The following MYH10 variants were observed in gnomAD, a reference collection of about 807,000 sequenced individuals.
MYH10 encodes the protein myosin heavy chain 10.
MYH10 carries 55 observed loss-of-function variants against 257.8 expected under a neutral mutation model. The ratio of observed to expected loss-of-function variants is 0.21; its 90% CI spans 0.17 to 0.27. The LOEUF is 0.27. MYH10 is among the 10% of genes least tolerant of loss of function. The pLI is 1.00. For synonymous variants in MYH10, 854 were observed against 921.7 expected (o/e 0.93, Z 1.33); for missense variants, 1,631 against 2,500.6 (o/e 0.65, Z 7.42).
chr17:8,601,574 T>A (rs1052668008), intron 3 of MYH10, among the ~76,000 whole-genome samples: 1 of 152,210 alleles, frequency 6.6e-6, no homozygotes, highest in African/African-American at 2.4e-5. Flanking sequence ...TCCTACTCCT[T>A]CTCTCATAAG....
At chr17:8,547,552 A>AT (rs2082483390) in intron 11 of MYH10, among the ~76,000 whole-genome samples, 1 of 151,730 alleles carries the variant, frequency 6.6e-6, no homozygotes, top group African/African-American at 2.4e-5. Context: ...ATAAAAAACG[A>AT]TTATTTCAAG....
chr17:8,553,707 A>G (rs1479175878), intron 8 of MYH10, among the ~76,000 whole-genome samples: 1 of 152,230 alleles, frequency 6.6e-6, no homozygotes, highest in African/African-American at 2.4e-5. Context: ...AATGTCCTAT[A>G]TCACACAAAC....
chr17:8,501,422 G>C (rs574292786), intron 28 of MYH10, among the ~76,000 whole-genome samples: 1 of 152,310 alleles, frequency 6.6e-6, no homozygotes, highest in East Asian at 1.9e-4. Flanking sequence ...TCAGGAATTG[G>C]TTAACACAAG....
chr17:8,508,911 C>G (rs2081166994), intron 25 of MYH10, among the ~76,000 whole-genome samples: 1 of 152,176 alleles, frequency 6.6e-6, no homozygotes, highest in East Asian at 1.9e-4. Context: ...TCATCGAGAG[C>G]TGTCATAACA....
chr17:8,545,370 G>A lies in MYH10; in HGVS notation c.1431+78C>T. Reference sequence around the variant, plus strand: ...TATCCCTGGTGCCTCGTATGTACTGGGCACACAGTAAGCCTTCATATTTGT... The same window carrying A: ...TATCCCTGGTGCCTCGTATGTACTGAGCACACAGTAAGCCTTCATATTTGT... On this transcript the variant is annotated intron_variant, in intron 13 of 42. Transcript: ENST00000360416. This position sits in a 1 kb window ranked among gnomAD's most constrained non-coding sequence, Gnocchi z 4.7. The A allele has an allele frequency of 6.6e-7, 1 of 1,518,584 alleles. No homozygotes were observed. Among genetic ancestry groups the A allele is most frequent in the East Asian group, 2.3e-5 (1 of 44,066 alleles). The allele number at this position is 1,518,584 out of a possible 1,614,324, so 94.1% of individuals were successfully genotyped here.
chr17:8,493,126 G>A (rs926952343), intron 32 of MYH10, 102 bp from the exon 33 acceptor site: 47 of 1,312,410 alleles, frequency 3.6e-5, no homozygotes, highest in South Asian at 5.7e-5. Flanking sequence ...TTGGGAGGCC[G>A]AGGCGGCAGG....
chr17:8,502,281 C>T (rs529061486), intron 28 of MYH10, among the ~76,000 whole-genome samples: 4 of 152,208 alleles, frequency 2.6e-5, no homozygotes, highest in African/African-American at 9.6e-5. Context: ...GCTCCATGGT[C>T]GCATGTAGCC....
At chr17:8,489,284 C>A (rs1387533587) in intron 35 of MYH10, among the ~76,000 whole-genome samples, 1 of 152,216 alleles carries the variant, frequency 6.6e-6, no homozygotes, top group African/African-American at 2.4e-5. Flanking sequence ...TCCTCACCCA[C>A]AGAAACTGTG....
rs563642088 is a variant in MYH10, at chr17:8,591,597, A to G, written c.503-2489T>C. Among the ~76,000 whole-genome samples the G allele has an allele frequency of 1.1e-4, 17 of 152,352 alleles. No homozygotes were observed. The South Asian group carries it at 3.5e-3, about 32-fold the overall frequency. On this transcript the variant is annotated intron_variant, in intron 3 of 42. Transcript: ENST00000360416. ...AAGTTGTTTATGGTTTTTCGAAAGT[A>G]GTTTACACATTAAAGAAATCAAAGC...
intron 11 of MYH10, among the ~76,000 whole-genome samples, chr17:8,547,025 G>T (rs1443745849): frequency 6.6e-6 from 1 of 152,112 alleles, no homozygotes; most frequent in East Asian, 1.9e-4. Context: ...TTCAACTTGG[G>T]CTGGTTCACT....
At chr17:8,500,116 T>A (rs11867697) in intron 29 of MYH10, among the ~76,000 whole-genome samples, 1,907 of 152,276 alleles carry the variant, frequency 0.013, 39 homozygotes, top group African/African-American at 0.043. Context: ...AGCACAGTAC[T>A]TGACACAAAC....
At chr17:8,520,132 T>A (rs1197405255) in intron 19 of MYH10, among the ~76,000 whole-genome samples, 1 of 152,260 alleles carries the variant, frequency 6.6e-6, no homozygotes, top group Non-Finnish European at 1.5e-5. Flanking sequence ...CACTCCTTGA[T>A]GATTTTTATT....
Position 8,530,680 on chromosome 17 carries a change from G to C in MYH10, c.1900C>G (p.Gln634Glu). 6.5e-7 allele frequency: 1 copy of C among 1,549,386 alleles called. No homozygotes were observed. Among genetic ancestry groups the C allele is most frequent in the Non-Finnish European group, 8.7e-7 (1 of 1,146,398 alleles). ...FVAELWKDEI[Q>E]NIQRASFYDS... ...TAGAAAGAAGCTCTCTGAATATTCT[G>C]AATCTCTAAAGCAGAGAAACAGCAA... is the stretch of plus-strand genomic sequence containing the variant. Residue 634 changes from glutamine to glutamate, a missense_variant, in exon 17 of 43, where the codon CAG (glutamine) becomes GAG (glutamate). By Grantham distance (29) the Gln-to-Glu change is conservative (BLOSUM62 2). Around this residue, in one of 11 missense-constraint regions of MYH10, gnomAD observed 96 missense variants for 146.2 expected, o/e 0.66. Coordinates refer to ENST00000360416, the MANE Select transcript of MYH10 (RefSeq NM_001256012.3).
At chr17:8,531,182 A>G (rs1221736793) in intron 16 of MYH10, among the ~76,000 whole-genome samples, 4 of 152,232 alleles carry the variant, frequency 2.6e-5, no homozygotes, top group African/African-American at 9.6e-5. Flanking sequence ...ATTTGAATAC[A>G]AATTACCATA....
intron 19 of MYH10, among the ~76,000 whole-genome samples, chr17:8,519,384 C>T (rs1445030821): frequency 6.6e-6 from 1 of 152,094 alleles, no homozygotes; most frequent in African/African-American, 2.4e-5. Context: ...TTCAAAACAT[C>T]AGAAAATATC....
intron 36 of MYH10, among the ~76,000 whole-genome samples, chr17:8,486,293 T>C (rs1032509490): frequency 2.0e-5 from 3 of 152,158 alleles, no homozygotes; most frequent in African/African-American, 7.2e-5. Flanking sequence ...TAAAAAACAC[T>C]GAAAACACTA....
rs2082452555 is a variant in MYH10 at position 8,546,632 on chromosome 17, A to G, written c.1190T>C (p.Met397Thr). ...GGCCCGAGTAAACTCCATCACATTC[A>G]TCCCAAGAAGATGGCAGAGCTTCTG... ...VAQKLCHLLG[M>T]NVMEFTRAIL... is the part of the protein sequence containing the mutation. Residue 397 changes from methionine to threonine, a missense_variant, in exon 12 of 43, where the codon ATG becomes ACG. Physicochemically the swap from Met to Thr is moderately conservative, Grantham distance 81. This residue lies in a region of MYH10 where 360 missense variants were observed against 581.9 expected (regional missense o/e 0.62). Coordinates refer to ENST00000360416, the MANE Select transcript of MYH10 (RefSeq NM_001256012.3). 6 of 1,614,032 alleles carry G rather than the reference A, an allele frequency of 3.7e-6. No individual in the cohort carries two copies. Among genetic ancestry groups the G allele is most frequent in the Non-Finnish European group, 5.1e-6 (6 of 1,179,980 alleles).
chr17:8,528,056 C>A (rs1417725587), intron 17 of MYH10, among the ~76,000 whole-genome samples: 1 of 152,172 alleles, frequency 6.6e-6, no homozygotes, highest in Non-Finnish European at 1.5e-5. Context: ...CTTGACTCTA[C>A]CTGGACTTCT....
chr17:8,504,806 C>G lies in MYH10; in HGVS notation c.3487G>C (p.Ala1163Pro), dbSNP rs372084317. The change falls in exon 28 of 43, where the codon GCT becomes CCT. Residue 1163 changes from alanine to proline, a missense_variant. Around this residue, in one of 11 missense-constraint regions of MYH10, gnomAD observed 169 missense variants for 249.8 expected, o/e 0.68. Transcript: ENST00000360416. This position sits in a 1 kb window ranked among gnomAD's most constrained non-coding sequence, Gnocchi z 5.6. ...ELQEDFESEKASRNKAEKQKR... is the reference protein window; with the variant it reads ...ELQEDFESEKPSRNKAEKQKR... ...TGCTTTTCGGCCTTGTTCCGTGAAGCCTTCTCGGATTCAAAGTCTTCCTGA... is the reference window on the plus strand; with the variant it reads ...TGCTTTTCGGCCTTGTTCCGTGAAGGCTTCTCGGATTCAAAGTCTTCCTGA... 6.2e-7 allele frequency: 1 copy of G among 1,614,212 alleles called. No homozygotes were observed. The highest frequency in any genetic ancestry group is 1.1e-5 in the South Asian group (1 of 91,082).
Sources: gnomAD v4.1 joint callset for allele counts (sites outside exome capture counted in the v4.1 genomes callset) on GRCh38, gnomAD v4.1.1 for gene constraint, gnomAD v4.1.1 regional missense constraint, Gnocchi (gnomAD v3.1) non-coding constraint, MANE v1.5 for transcripts, NCBI Gene and HGNC (gene_info 2026-07-23, HGNC 2026-07-21) for gene names.